The following RBBP8 variants were observed in gnomAD, a reference collection of about 807,000 sequenced individuals.
The protein encoded by RBBP8 is RB binding protein 8, endonuclease.
RBBP8 carries 88 observed loss-of-function variants against 108.3 expected under a neutral mutation model. The ratio of observed to expected loss-of-function variants is 0.81; its 90% confidence interval spans 0.68 to 0.97. RBBP8 has a LOEUF of 0.97. RBBP8 is among the 50% of genes least tolerant of loss of function. The pLI is 0.00. For missense variants in RBBP8, 1,023 were observed against 1,049.0 expected (o/e 0.98, Z 0.34); for synonymous variants, 332 against 348.2 (o/e 0.95, Z 0.52).
chr18:23,019,106 T>TGA, intron 17 of RBBP8, among the ~76,000 whole-genome samples: 1 of 152,342 alleles, frequency 6.6e-6, no homozygotes, highest in South Asian at 2.1e-4. Context: ...GCCTATAATG[T>TGA]GAGTTCGTGA....
intron 16 of RBBP8, among the ~76,000 whole-genome samples, chr18:23,009,802 A>G (rs1342659124): frequency 6.6e-6 from 1 of 152,192 alleles, no homozygotes; most frequent in African/African-American, 2.4e-5. Context: ...TTGCTCTGTC[A>G]CCAGGCTAGG....
At chr18:23,024,062 T>C (rs1479976955) in intron 18 of RBBP8, among the ~76,000 whole-genome samples, 2 of 144,958 alleles carry the variant, frequency 1.4e-5, no homozygotes, top group Admixed American at 6.9e-5. Flanking sequence ...TTTTTTTTTT[T>C]CTAGTAGAGA....
chr18:23,000,039 A>T (rs922955519), intron 14 of RBBP8, among the ~76,000 whole-genome samples: 2 of 152,164 alleles, frequency 1.3e-5, no homozygotes, highest in Non-Finnish European at 1.5e-5. Context: ...TTGTAGTAGG[A>T]AGTATTTTAG....
At chr18:22,943,942 T>C (rs1911320180) in intron 2 of RBBP8, among the ~76,000 whole-genome samples, 1 of 152,162 alleles carries the variant, frequency 6.6e-6, no homozygotes. Context: ...TATGTATGAG[T>C]GTGTGTAAGG....
intron 17 of RBBP8, among the ~76,000 whole-genome samples, chr18:23,021,819 G>A (rs1352024989): frequency 7.0e-6 from 1 of 142,326 alleles, no homozygotes; most frequent in Admixed American, 6.9e-5. Context: ...AGATCAGCTG[G>A]CTTTTTTTTT....
chr18:22,937,172 A>G, intron 2 of RBBP8: 1 of 1,035,102 alleles, frequency 9.7e-7, no homozygotes, highest in South Asian at 1.7e-5. Context: ...GGTACCCCAT[A>G]GGTAGTTTTT....
At chr18:22,966,587 A>AG (rs11412512) in intron 4 of RBBP8, among the ~76,000 whole-genome samples, 23,790 of 89,492 alleles carry the variant, frequency 0.27, 2,628 homozygotes, top group African/African-American at 0.38. Context: ...AAAAAAAAAA[A>AG]AAAAAGTCTA....
chr18:22,982,430 G>A (rs771626782), intron 7 of RBBP8, 37 bp downstream of exon 7: 30 of 1,611,398 alleles, frequency 1.9e-5, no homozygotes, highest in Middle Eastern at 3.3e-4. Flanking sequence ...CTCTGGTTTT[G>A]TAAACCAGTG....
upstream of RBBP8, among the ~76,000 whole-genome samples, chr18:22,930,980 T>C (rs1257027456): frequency 6.6e-6 from 1 of 152,176 alleles, no homozygotes; most frequent in Non-Finnish European, 1.5e-5. Flanking sequence ...TTTCACTATG[T>C]TGCCCAAGCT....
In RBBP8 at chr18:23,006,425, G is replaced by A. The variant is rs767256068; in HGVS notation, c.2350G>A (p.Asp784Asn). Residue 784 changes from aspartate to asparagine, a missense_variant, in exon 16 of 19, where the codon GAT becomes AAT. By Grantham distance (23) the Asp-to-Asn change is conservative. Coordinates refer to ENST00000327155, the MANE Select transcript of RBBP8 (RefSeq NM_002894.3). ...KAFVEPYFKG[D>N]ERETSLQNFP... is the part of the protein sequence containing the mutation. ...GTTTGTGGAGCCGTATTTTAAAGGT[G>A]ATGAAAGGTAAGTTGGTTTTTATTT... 6 of 1,612,462 alleles carry A rather than the reference G, an allele frequency of 3.7e-6. No individual in the cohort carries two copies. Among genetic ancestry groups the A allele is most frequent in the Non-Finnish European group, 5.1e-6 (6 of 1,178,628 alleles).
chr18:22,922,698 C>G (rs552280273), intron 3 of RBBP8, among the ~76,000 whole-genome samples: 1 of 152,276 alleles, frequency 6.6e-6, no homozygotes, highest in South Asian at 2.1e-4. Context: ...CTCCTGGGCT[C>G]AAGCAATCCG....
chr18:22,946,523 A>G, intron 3 of RBBP8, 37 bp downstream of exon 3: 1 of 1,609,298 alleles, frequency 6.2e-7, no homozygotes, highest in Non-Finnish European at 8.5e-7. Context: ...TGTTATTTAT[A>G]GAGTAGTTGA....
intron 1 of RBBP8, among the ~76,000 whole-genome samples, chr18:22,914,570 T>C (rs547467648): frequency 2.0e-5 from 3 of 152,340 alleles, no homozygotes; most frequent in African/African-American, 7.2e-5. Flanking sequence ...CTGAATAATT[T>C]TGCCAAATAA....
chr18:23,009,797 C>A (rs138197770), intron 16 of RBBP8, among the ~76,000 whole-genome samples: 1 of 152,174 alleles, frequency 6.6e-6, no homozygotes, highest in Non-Finnish European at 1.5e-5. Flanking sequence ...GAGTCTTGCT[C>A]TGTCACCAGG....
At chr18:23,012,889 G>T (rs1194270923) in intron 16 of RBBP8, among the ~76,000 whole-genome samples, 1 of 152,128 alleles carries the variant, frequency 6.6e-6, no homozygotes, top group Non-Finnish European at 1.5e-5. Flanking sequence ...TCTTGTTTGG[G>T]TTAATGCGCT....
chr18:23,012,228 A>AAAAAAAAAAAAAT (rs1317768777), intron 16 of RBBP8, among the ~76,000 whole-genome samples: 1 of 151,152 alleles, frequency 6.6e-6, no homozygotes, highest in African/African-American at 2.4e-5. Flanking sequence ...AAAAAAAAAA[A>AAAAAAAAAAAAAT]AAACCAACTA....
chr18:22,960,821 T>C (rs542689292), intron 4 of RBBP8, among the ~76,000 whole-genome samples: 28 of 152,336 alleles, frequency 1.8e-4, no homozygotes, highest in Non-Finnish European at 3.5e-4. Context: ...TAATTATTTT[T>C]TAAATATCAC....
Position 23,006,443 on chromosome 18 carries a change from T to A in RBBP8, c.2357+11T>A. ...TAAAGGTGATGAAAGGTAAGTTGGTTTTTATTTATACCAGCAATGTGACTG... is the reference window on the plus strand; with the variant it reads ...TAAAGGTGATGAAAGGTAAGTTGGTATTTATTTATACCAGCAATGTGACTG... On this transcript the variant is annotated intron_variant, in intron 16 of 18. Transcript: ENST00000327155. The A allele has an allele frequency of 6.3e-7, 1 of 1,595,896 alleles. No individual in the cohort carries two copies. The highest frequency in any genetic ancestry group is 8.6e-7 in the Non-Finnish European group (1 of 1,163,654).
intron 1 of RBBP8, among the ~76,000 whole-genome samples, chr18:22,914,591 TTAATGATTTA>T (rs1254860168): frequency 6.6e-6 from 1 of 152,220 alleles, no homozygotes; most frequent in African/African-American, 2.4e-5. Flanking sequence ...ATTTCACATA[TTAATGATTTA>T]CATTAAGCCA....
Sources: allele counts gnomAD v4.1 joint callset (sites outside exome capture counted in the v4.1 genomes callset), GRCh38; gene constraint gnomAD v4.1.1; transcripts MANE v1.5; gene names NCBI Gene and HGNC (gene_info 2026-07-23, HGNC 2026-07-21).